The following LARS2 variants were observed in gnomAD, a reference collection of about 807,000 sequenced individuals.
LARS2 encodes the protein leucyl-tRNA synthetase 2, mitochondrial, also known as leucine--tRNA ligase, mitochondrial.
In LARS2, 81 loss-of-function variants were observed where a neutral mutation model predicts 116.6. The ratio of observed to expected loss-of-function variants is 0.69; its 90% CI spans 0.58 to 0.84. LARS2 has a LOEUF of 0.84. Ranked by LOEUF, LARS2 falls within the 40% of genes least tolerant of loss-of-function variation. The pLI, the probability that LARS2 is intolerant of heterozygous loss-of-function variation, is 0.00. For missense variants in LARS2, 968 were observed against 1,114.5 expected, an observed-to-expected ratio of 0.87 and a Z score of 1.87; for synonymous variants, 396 against 407.2, an observed-to-expected ratio of 0.97 and a Z score of 0.33.
At chr3:45,443,760 T>C (rs1308434847) in intron 6 of LARS2, among the ~76,000 whole-genome samples, 1 of 152,210 alleles carries the variant, frequency 6.6e-6, no homozygotes, top group Non-Finnish European at 1.5e-5. Context: ...TTTCAAGCTG[T>C]ACTCTTTTAG....
At chr3:45,388,964 A>C (rs1227022049) in intron 1 of LARS2, 1 of 152,016 alleles carries the variant, frequency 6.6e-6, no homozygotes, top group East Asian at 1.9e-4. Context: ...CCTACCCCAG[A>C]TCTTTGCTCC....
intron 17 of LARS2, among the ~76,000 whole-genome samples, chr3:45,517,655 G>A (rs1030489211): frequency 1.3e-5 from 2 of 152,186 alleles, no homozygotes; most frequent in Non-Finnish European, 2.9e-5. Context: ...TTGGTGGGTG[G>A]CACTTTGAGT....
intron 21 of LARS2, 58 bp downstream of exon 21, chr3:45,542,014 A>G: frequency 6.2e-7 from 1 of 1,601,196 alleles, no homozygotes; most frequent in Non-Finnish European, 8.5e-7. Flanking sequence ...GGTGGCCCCT[A>G]AATACTGTGG....
intron 4 of LARS2, among the ~76,000 whole-genome samples, chr3:45,400,899 C>G (rs893903507): frequency 6.6e-6 from 1 of 151,984 alleles, no homozygotes; most frequent in Non-Finnish European, 1.5e-5. Flanking sequence ...CTGCAACCTC[C>G]CCCTCCCGGG....
intron 10 of LARS2, among the ~76,000 whole-genome samples, chr3:45,478,534 C>G (rs1160745926): frequency 6.6e-6 from 1 of 152,166 alleles, no homozygotes; most frequent in Non-Finnish European, 1.5e-5. Context: ...TTAGTACACG[C>G]AAACAGCACT....
chr3:45,448,081 C>G (rs79452560), intron 7 of LARS2, among the ~76,000 whole-genome samples: 3,030 of 152,082 alleles, frequency 0.02, 81 homozygotes, highest in African/African-American at 0.069. Flanking sequence ...GACCCTGTCT[C>G]TACAAAAAGT....
At chr3:45,472,231 T>C (rs1310368030) in intron 8 of LARS2, among the ~76,000 whole-genome samples, 1 of 152,238 alleles carries the variant, frequency 6.6e-6, no homozygotes, top group Non-Finnish European at 1.5e-5. Context: ...CCTCTCAATC[T>C]GGTGTGGCAT....
rs1825211 is a variant in LARS2, at chr3:45,488,381, C to T, written c.1124-316C>T. 3.4e-3 allele frequency among the ~76,000 whole-genome samples: 522 copies of T among 152,202 alleles called. 7 individuals carry two copies. Among genetic ancestry groups the T allele is most frequent in the East Asian group, 0.025 (130 of 5,164 alleles). On this transcript the variant is annotated intron_variant, in intron 11 of 21. Coordinates refer to ENST00000645846, the MANE Select transcript of LARS2 (RefSeq NM_015340.4). ...CCGGGAGGCTGAAGTTGCAGTGAGC[C>T]GAGATCGTGCCACTGCACTCTAACC...
At chr3:45,520,404 G>A (rs1378828371) in intron 19 of LARS2, 108 bp downstream of exon 19, 3 of 716,240 alleles carry the variant, frequency 4.2e-6, no homozygotes, top group South Asian at 3.2e-5. Context: ...CTGTGTCACC[G>A]CCTCAGTGTG....
intron 12 of LARS2, 126 bp from the exon 13 acceptor site, chr3:45,491,391 C>T: frequency 3.1e-6 from 3 of 967,134 alleles, no homozygotes; most frequent in Non-Finnish European, 4.7e-6. Context: ...AAAGTTATGA[C>T]ACAGCTCTGC....
chr3:45,488,908 C>T (rs1276345431), intron 12 of LARS2, 96 bp downstream of exon 12: 2 of 808,514 alleles, frequency 2.5e-6, no homozygotes, highest in African/African-American at 3.4e-5. Context: ...TTCCTTCACT[C>T]GTCCCCATAC....
rs773222933 is a variant in LARS2, at chr3:45,520,268, A to G, written c.2264A>G (p.Gln755Arg). 1 of 1,613,324 alleles carries G rather than the reference A, an allele frequency of 6.2e-7. No individual in the cohort carries two copies. Among genetic ancestry groups the G allele is most frequent in the Non-Finnish European group, 8.5e-7 (1 of 1,179,324 alleles). Residue 755 changes from glutamine (Q) to arginine (R), a missense_variant, in exon 19 of 22, where the codon CAG (glutamine) becomes CGG (arginine). Coordinates refer to ENST00000645846, the MANE Select transcript of LARS2 (RefSeq NM_015340.4). ...TTCTCACTGAATTCTGCAATTTCTC[A>G]GCTGATGGGACTCAGCAATGCCCTC... is the stretch of plus-strand genomic sequence containing the variant. ...EDFSLNSAIS[Q>R]LMGLSNALSQ...
chr3:45,513,175 G>A lies in LARS2; in HGVS notation c.1801G>A (p.Gly601Arg), dbSNP rs1575305374. The A allele has an allele frequency of 1.2e-6, 2 of 1,613,860 alleles. No individual in the cohort carries two copies. Residue 601 changes from glycine to arginine, a missense_variant, in exon 16 of 22, where the codon GGG becomes AGG. By Grantham distance (125) the Gly-to-Arg change is moderately radical (BLOSUM62 -2). Transcript: ENST00000645846. ...GCTGCTGGCCCAAGGCCTTATCAAG[G>A]GGCAGACATTCCGCCTACCATCTGG... is the stretch of plus-strand genomic sequence containing the variant. ...HKLLAQGLIK[G>R]QTFRLPSGQY...
At chr3:45,390,479 A>G (rs1697921569) in intron 1 of LARS2, among the ~76,000 whole-genome samples, 1 of 148,928 alleles carries the variant, frequency 6.7e-6, no homozygotes, top group Non-Finnish European at 1.5e-5. Context: ...CGCCTGGCTA[A>G]TTTTTTGTAT....
Position 45,548,782 on chromosome 3 carries a change from A to G in LARS2, c.*1252A>G, listed in dbSNP as rs977313103. 31 of 152,366 alleles carry G rather than the reference A, an allele frequency of 2.0e-4. No individual in the cohort carries two copies. The highest frequency in any genetic ancestry group is 3.4e-3 in the Middle Eastern group (1 of 294). 9.4% of individuals were successfully genotyped at this position (152,366 alleles called of 1,614,324 possible). A position where few individuals can be genotyped will look rare whatever the true frequency, so the allele number is the denominator to read the frequency against. ...GTAGCCTCACATGTGGTCCCCCTGC[A>G]GTTCAGCAGTTAACAGATGACTTTT... On this transcript the variant is annotated 3_prime_UTR_variant, in exon 22 of 22. Coordinates refer to ENST00000645846, the MANE Select transcript of LARS2 (RefSeq NM_015340.4).
chr3:45,518,108 A>C (rs774165080), intron 18 of LARS2, 36 bp downstream of exon 18: 83 of 1,551,486 alleles, frequency 5.3e-5, no homozygotes, highest in Non-Finnish European at 6.8e-5. Context: ...TTAACTCTGT[A>C]ACCAAGCACT....
chr3:45,446,855 A>AATT, intron 6 of LARS2, 36 bp from the exon 7 acceptor site: 2 of 1,305,298 alleles, frequency 1.5e-6, no homozygotes, highest in Non-Finnish European at 2.2e-6. Flanking sequence ...GGATGTTTAT[A>AATT]ATGGCCTGTA....
At chr3:45,487,951 T>C (rs1699844228) in intron 11 of LARS2, among the ~76,000 whole-genome samples, 1 of 152,150 alleles carries the variant, frequency 6.6e-6, no homozygotes, top group South Asian at 2.1e-4. Context: ...TTACCAGTTT[T>C]TGACTTCCTG....
intron 21 of LARS2, among the ~76,000 whole-genome samples, chr3:45,546,182 C>T (rs1165397833): frequency 6.6e-6 from 1 of 152,072 alleles, no homozygotes; most frequent in African/African-American, 2.4e-5. Context: ...TGTTGGGGAC[C>T]CCAGGACTTC....
Sources: gnomAD v4.1 joint callset for allele counts (sites outside exome capture counted in the v4.1 genomes callset) on GRCh38, gnomAD v4.1.1 for gene constraint, MANE v1.5 for transcripts, NCBI Gene and HGNC (gene_info 2026-07-23, HGNC 2026-07-21) for gene names.